The following SP3 variants were observed in gnomAD, a reference collection of about 807,000 sequenced individuals.
The protein encoded by SP3 is transcription factor Sp3.
Under a neutral mutation model 70.3 loss-of-function variants are expected in SP3, and 10 were observed. The observed-to-expected ratio is 0.14, with a 90% CI of 0.09 to 0.24. The LOEUF (loss-of-function observed/expected upper bound fraction) is 0.24. Ranked by LOEUF, SP3 falls within the 10% of genes least tolerant of loss-of-function variation. The pLI is 1.00. For missense variants in SP3, 825 were observed against 914.6 expected, an observed-to-expected ratio of 0.90 and a Z score of 1.26; for synonymous variants, 402 against 333.5, an observed-to-expected ratio of 1.21 and a Z score of -2.24.
rs1259090765 is a variant in SP3, at chr2:173,964,572, G to A, written c.8-19C>T. On this transcript the variant is annotated intron_variant, in intron 1 of 6. Transcript: ENST00000310015. Reference sequence around the variant, plus strand: ...TCGGGAGCTGCAGGCACAGCGCGGGGGGGTGGGGGTGGGGAGGAAGGCGGG... The same window carrying A: ...TCGGGAGCTGCAGGCACAGCGCGGGAGGGTGGGGGTGGGGAGGAAGGCGGG... 8.9e-6 allele frequency: 6 copies of A among 676,812 alleles called. No homozygotes were observed. Among genetic ancestry groups the A allele is most frequent in the Non-Finnish European group, 1.6e-5 (6 of 364,396 alleles). The allele number at this position is 676,812 out of a possible 1,614,324, so 41.9% of individuals were successfully genotyped here.
chr2:173,930,975 G>A lies in SP3; in HGVS notation c.1640-12190C>T, dbSNP rs924276142. ...CATACCTCAGAAACACTACAAATTT[G>A]ATTCCAGACAAGTACAATAAAGCTA... On this transcript the variant is annotated intron_variant, in intron 4 of 6. Coordinates refer to ENST00000310015, the MANE Select transcript of SP3 (RefSeq NM_003111.5). Among the ~76,000 whole-genome samples the A allele has an allele frequency of 2.6e-5, 4 of 152,076 alleles. No homozygotes were observed. In the South Asian group the frequency reaches 8.3e-4, roughly 32 times the overall value.
chr2:173,920,683 CG>C (rs1689728990), intron 4 of SP3, among the ~76,000 whole-genome samples: 1 of 151,954 alleles, frequency 6.6e-6, no homozygotes, highest in Non-Finnish European at 1.5e-5. Flanking sequence ...CTCTGCCTCC[CG>C]GATTCAAGTG....
intron 3 of SP3, among the ~76,000 whole-genome samples, chr2:173,958,488 C>G (rs767024976): frequency 3.3e-5 from 5 of 151,114 alleles, no homozygotes; most frequent in Non-Finnish European, 7.4e-5. Flanking sequence ...AGGAAAATCT[C>G]TAAACCTAGA....
intron 4 of SP3, among the ~76,000 whole-genome samples, chr2:173,921,947 G>A (rs1046421745): frequency 4.6e-5 from 7 of 151,998 alleles, no homozygotes; most frequent in Non-Finnish European, 7.4e-5. Flanking sequence ...ACCATGTGAC[G>A]TGCCCATTCC....
At position 173,908,743 on chromosome 2, in the gene SP3, T is replaced by C. The variant is rs1022421292; in HGVS notation, c.*1198A>G. 2.6e-5 allele frequency: 4 copies of C among 152,334 alleles called. 1 individual carries two copies. The highest frequency in any genetic ancestry group is 1.3e-4 in the Admixed American group (2 of 15,264). 9.4% of individuals were successfully genotyped at this position (152,334 alleles called of 1,614,324 possible). A position where few individuals can be genotyped will look rare whatever the true frequency, so the allele number is the denominator to read the frequency against. On this transcript the variant is annotated 3_prime_UTR_variant, in exon 7 of 7. Coordinates refer to ENST00000310015, the MANE Select transcript of SP3 (RefSeq NM_003111.5). ...AGACCAGCAATGTAACTTTATTTTGTACATTTTTGAATTGAAAATATAAAC... is the reference window on the plus strand; with the variant it reads ...AGACCAGCAATGTAACTTTATTTTGCACATTTTTGAATTGAAAATATAAAC...
chr2:173,957,113 A>G (rs994864847), intron 3 of SP3, among the ~76,000 whole-genome samples: 3 of 152,208 alleles, frequency 2.0e-5, no homozygotes, highest in African/African-American at 7.2e-5. Context: ...AAAAATCTTA[A>G]GTTTCTTAAA....
intron 4 of SP3, among the ~76,000 whole-genome samples, chr2:173,943,903 CTATAGG>C (rs1690452599): frequency 6.6e-6 from 1 of 152,166 alleles, no homozygotes; most frequent in Admixed American, 6.6e-5. Context: ...CATATCTAGG[CTATAGG>C]TATAGTCTAT....
intron 3 of SP3, chr2:173,963,485 C>G (rs1287828878): frequency 2.0e-5 from 3 of 153,466 alleles, no homozygotes; most frequent in Non-Finnish European, 2.9e-5. Flanking sequence ...ATGAATTGCT[C>G]AAACATCCAT....
intron 3 of SP3, among the ~76,000 whole-genome samples, chr2:173,960,366 T>C (rs1413270098): frequency 6.6e-6 from 1 of 151,976 alleles, no homozygotes; most frequent in Non-Finnish European, 1.5e-5. Context: ...AAGCCAGAAA[T>C]AGGAAAGGAA....
Position 173,903,543 on chromosome 2 carries a change from A to T in SP3, c.*6398T>A, listed in dbSNP as rs1361025933. On this transcript the variant is annotated 3_prime_UTR_variant, in exon 7 of 7. Transcript: ENST00000310015. ...AGAAAAATGCAATTAACACAACTTA[A>T]GAATTTTTAAAGGATCAGGGTGTGA... is the stretch of plus-strand genomic sequence containing the variant. Among the ~76,000 whole-genome samples, 1 of 152,244 alleles carries T rather than the reference A, an allele frequency of 6.6e-6. No individual in the cohort carries two copies. Among genetic ancestry groups the T allele is most frequent in the Non-Finnish European group, 1.5e-5 (1 of 68,044 alleles).
intron 1 of SP3, 100 bp from the exon 2 acceptor site, chr2:173,964,653 C>T (rs1370228150): frequency 5.7e-6 from 3 of 530,246 alleles, no homozygotes; most frequent in East Asian, 3.6e-5. Context: ...AAAGCCCGGA[C>T]CCAGGCCCCT....
rs367731299 is a variant in SP3, at chr2:173,955,038, C to T, written c.1474G>A (p.Val492Ile). ...TAAQQITLTP[V>I]QTLTLGQVAA... ...ACTTGACCAAGTGTGAGGGTTTGAA[C>T]AGGCGTCAAAGTTATTTGTTGGGCA... is the stretch of plus-strand genomic sequence containing the variant. Residue 492 changes from valine to isoleucine, a missense_variant, in exon 4 of 7, where the codon GTT (valine) becomes ATT (isoleucine). Transcript: ENST00000310015. The T allele has an allele frequency of 6.2e-7, 1 of 1,614,070 alleles. No homozygotes were observed. The highest frequency in any genetic ancestry group is 1.3e-5 in the African/African-American group (1 of 74,922).
intron 3 of SP3, among the ~76,000 whole-genome samples, chr2:173,960,869 G>T (rs573182073): frequency 6.6e-6 from 1 of 151,980 alleles, no homozygotes; most frequent in African/African-American, 2.4e-5. Context: ...CCAGTTACTC[G>T]GGAGGCTGAG....
rs763095895 is a variant in SP3, at chr2:173,964,473, G to GGCCGCCGCC, written c.79_87dup (p.Gly27_Gly29dup). ...TGCTGCTGCTGCAGATACTCGCCGT[G>GGCCGCCGCC]GCCGCCGCCGCCGCCACCGCCGCCG... is the stretch of plus-strand genomic sequence containing the variant. On this transcript the variant is annotated inframe_insertion, in exon 2 of 7. Transcript: ENST00000310015. 11 of 707,916 alleles carry GGCCGCCGCC rather than the reference G, an allele frequency of 1.6e-5. No homozygotes were observed. Among genetic ancestry groups the GGCCGCCGCC allele is most frequent in the Middle Eastern group, 2.5e-4 (1 of 3,956 alleles). 43.9% of individuals were successfully genotyped at this position (707,916 alleles called of 1,614,324 possible).
At chr2:173,920,398 C>T (rs978983168) in intron 4 of SP3, among the ~76,000 whole-genome samples, 2 of 151,812 alleles carry the variant, frequency 1.3e-5, no homozygotes, top group African/African-American at 4.8e-5. Context: ...TGTATAAACA[C>T]GAAGAGGGAA....
Position 173,956,044 on chromosome 2 carries a change from T to C in SP3, c.468A>G (p.Pro156=). Residue 156 remains proline (P), a synonymous_variant, in exon 4 of 7, where the codon CCA becomes CCG. Coordinates refer to ENST00000310015, the MANE Select transcript of SP3 (RefSeq NM_003111.5). ...LQNQQIFSVA[P]GSDSSNGTVS... ...CTGTACCATTTGATGAATCTGATCC[T>C]GGTGCAACGGAAAATATTTGTTGAT... The C allele has an allele frequency of 6.2e-7, 1 of 1,614,186 alleles. No individual in the cohort carries two copies. Among genetic ancestry groups the C allele is most frequent in the Non-Finnish European group, 8.5e-7 (1 of 1,180,008 alleles).
At chr2:173,911,376 G>A (rs1689478557) in intron 6 of SP3, among the ~76,000 whole-genome samples, 1 of 152,050 alleles carries the variant, frequency 6.6e-6, no homozygotes, top group Admixed American at 6.6e-5. Context: ...TACAAAAAAA[G>A]GTCTCTCACT....
chr2:173,918,489 C>G (rs1036462310), intron 5 of SP3, 104 bp downstream of exon 5: 19 of 1,176,326 alleles, frequency 1.6e-5, no homozygotes, highest in Middle Eastern at 3.0e-4. Flanking sequence ...CAAAAATGAT[C>G]ATGTAATAAT....
At chr2:173,924,711 T>C (rs902866649) in intron 4 of SP3, among the ~76,000 whole-genome samples, 2 of 152,168 alleles carry the variant, frequency 1.3e-5, no homozygotes, top group African/African-American at 4.8e-5. Flanking sequence ...CAAAACCATA[T>C]TGCAGATATT....
Sources: gnomAD v4.1 joint callset for allele counts (sites outside exome capture counted in the v4.1 genomes callset) on GRCh38, gnomAD v4.1.1 for gene constraint, MANE v1.5 for transcripts, NCBI Gene and HGNC (gene_info 2026-07-23, HGNC 2026-07-21) for gene names.